The following FRK variants were observed in gnomAD, a reference collection of about 807,000 sequenced individuals.
The protein encoded by FRK is tyrosine-protein kinase FRK.
Under a neutral mutation model 56.4 loss-of-function variants are expected in FRK, and 51 were observed. That is an observed-to-expected ratio of 0.90 (90% CI 0.72 to 1.14). FRK has a LOEUF of 1.14. Among genes scored for constraint, FRK ranks in the 50% most tolerant of loss-of-function variants. The probability of loss-of-function intolerance (pLI) is 0.00; values close to 1 mark genes in which losing one functional copy is unlikely to be tolerated. For synonymous variants in FRK, 245 were observed against 217.9 expected (o/e 1.12, Z -1.10); for missense variants, 570 against 601.4 (o/e 0.95, Z 0.55).
intron 4 of FRK, among the ~76,000 whole-genome samples, chr6:115,962,034 C>A (rs1371305443): frequency 7.7e-6 from 1 of 130,110 alleles, no homozygotes; most frequent in Non-Finnish European, 1.6e-5. Flanking sequence ...GGATCAAATT[C>A]ACACATAACA....
chr6:115,991,648 T>C (rs1429416059), intron 2 of FRK, among the ~76,000 whole-genome samples: 1 of 151,864 alleles, frequency 6.6e-6, no homozygotes, highest in Non-Finnish European at 1.5e-5. Context: ...AATTATCTTT[T>C]TGGTATACTG....
At chr6:115,963,092 A>AAG in intron 4 of FRK, among the ~76,000 whole-genome samples, 1 of 40,416 alleles carries the variant, frequency 2.5e-5, no homozygotes, top group African/African-American at 6.8e-5. Flanking sequence ...CCTTCAAAAA[A>AAG]TCAATGAATC....
intron 2 of FRK, among the ~76,000 whole-genome samples, chr6:115,998,451 C>CA (rs1296194562): frequency 6.6e-6 from 1 of 152,148 alleles, no homozygotes; most frequent in Non-Finnish European, 1.5e-5. Context: ...CGCCTTCATC[C>CA]ACTCCCCACA....
chr6:116,011,299 T>C (rs908838319), intron 1 of FRK, among the ~76,000 whole-genome samples: 1 of 152,176 alleles, frequency 6.6e-6, no homozygotes, highest in African/African-American at 2.4e-5. Flanking sequence ...CAGATGAAGA[T>C]AATTGCCTCT....
intron 1 of FRK, among the ~76,000 whole-genome samples, chr6:116,047,364 C>T (rs746667853): frequency 1.3e-4 from 20 of 150,124 alleles, no homozygotes; most frequent in Non-Finnish European, 2.2e-4. Context: ...GCAGACTCTA[C>T]CCAGAGATGG....
At chr6:116,016,631 G>T (rs1775666216) in intron 1 of FRK, among the ~76,000 whole-genome samples, 1 of 152,102 alleles carries the variant, frequency 6.6e-6, no homozygotes, top group East Asian at 1.9e-4. Flanking sequence ...GCTTTGGGGG[G>T]ATTAAAATGA....
At position 116,039,399 on chromosome 6, in the gene FRK, C is replaced by T. The variant is rs73772207; in HGVS notation, c.344+20569G>A. ...GAGGCTCTGTGATGGGGGCAACCTG[C>T]AAGGAGCTGGCCAGCCAGCCTGAAG... On this transcript the variant is annotated intron_variant, in intron 1 of 7. Coordinates refer to ENST00000606080, the MANE Select transcript of FRK (RefSeq NM_002031.3). The T allele has an allele frequency of 7.6e-4, 1,186 of 1,570,672 alleles. 12 individuals carry two copies. In the African/African-American group the frequency reaches 0.015, roughly 20 times the overall value.
intron 1 of FRK, among the ~76,000 whole-genome samples, chr6:116,005,241 A>C (rs2114698837): frequency 6.6e-6 from 1 of 152,320 alleles, no homozygotes; most frequent in African/African-American, 2.4e-5. Flanking sequence ...ATGCCAGGTC[A>C]TCTTGGAGTA....
At chr6:116,026,850 G>T (rs1167530006) in intron 1 of FRK, among the ~76,000 whole-genome samples, 2 of 152,148 alleles carry the variant, frequency 1.3e-5, no homozygotes, top group African/African-American at 4.8e-5. Context: ...ATCATCAGCT[G>T]AATACCAAAA....
the FRK span, among the ~76,000 whole-genome samples, chr6:116,084,299 G>A: frequency 2.6e-5 from 4 of 152,132 alleles, no homozygotes; most frequent in Non-Finnish European, 5.9e-5. Context: ...CCCAAAACTC[G>A]GTGGTTTAAA....
In FRK at chr6:115,937,727, A is replaced by T. The variant is rs561965337; in HGVS notation, c.*4687T>A. ...AATCAACAAAGATCAAAAGAGACAAAGAAGGGCATTACATAATGGTAAACA... is the reference window on the plus strand; with the variant it reads ...AATCAACAAAGATCAAAAGAGACAATGAAGGGCATTACATAATGGTAAACA... On this transcript the variant is annotated 3_prime_UTR_variant, in exon 8 of 8. Coordinates refer to ENST00000606080, the MANE Select transcript of FRK (RefSeq NM_002031.3). 3.9e-5 allele frequency: 6 copies of T among 152,324 alleles called. No individual in the cohort carries two copies. Among genetic ancestry groups the T allele is most frequent in the Admixed American group, 3.9e-4 (6 of 15,296 alleles). The allele number at this position is 152,324 out of a possible 1,614,324, so 9.4% of individuals were successfully genotyped here.
rs1772094923 is a variant in FRK at position 115,938,759 on chromosome 6, A to C, written c.*3655T>G. The C allele has an allele frequency of 6.6e-6, 1 of 152,192 alleles. No homozygotes were observed. The allele number at this position is 152,192 out of a possible 1,614,324, so 9.4% of individuals were successfully genotyped here. A position where few individuals can be genotyped will look rare whatever the true frequency, so the allele number is the denominator to read the frequency against. ...AATTCCTGCAAACATACACCCTCCC[A>C]AGTCTAAACCAGGAAGAAGATGAAT... On this transcript the variant is annotated 3_prime_UTR_variant, in exon 8 of 8. Transcript: ENST00000606080.
chr6:116,076,501 C>A, the FRK span, among the ~76,000 whole-genome samples: 977 of 152,026 alleles, frequency 6.4e-3, 6 homozygotes, highest in Non-Finnish European at 9.6e-3. Context: ...TTATTTTTTT[C>A]ATCCATTTCA....
chr6:115,992,437 T>G (rs534766712), intron 2 of FRK, among the ~76,000 whole-genome samples: 1 of 151,820 alleles, frequency 6.6e-6, no homozygotes, highest in African/African-American at 2.4e-5. Flanking sequence ...GAAAGTGCTA[T>G]GATAAATGAG....
At chr6:116,028,380 C>T (rs549975086) in intron 1 of FRK, among the ~76,000 whole-genome samples, 1 of 152,144 alleles carries the variant, frequency 6.6e-6, no homozygotes, top group East Asian at 1.9e-4. Context: ...TGGACTCCAT[C>T]AAAAGAAAAC....
At chr6:115,977,540 A>T (rs748252984) in intron 2 of FRK, among the ~76,000 whole-genome samples, 3 of 152,200 alleles carry the variant, frequency 2.0e-5, no homozygotes, top group Non-Finnish European at 4.4e-5. Flanking sequence ...TGTCTATATT[A>T]GTTGACTCAA....
At chr6:115,994,335 C>G (rs1300858032) in intron 2 of FRK, among the ~76,000 whole-genome samples, 4 of 99,558 alleles carry the variant, frequency 4.0e-5, no homozygotes, top group South Asian at 3.8e-4. Flanking sequence ...CCCCCCCCCC[C>G]GCCTTTTTTT....
rs371056103 is a variant in FRK at position 115,944,958 on chromosome 6, C to T, written c.959-533G>A. ...CATAGCTCCCACTTATAAGTGAGAA[C>T]ATGTGGTATTTGCTTTTCTGTTCCT... On this transcript the variant is annotated intron_variant, in intron 5 of 7. Coordinates refer to ENST00000606080, the MANE Select transcript of FRK (RefSeq NM_002031.3). Among the ~76,000 whole-genome samples the T allele has an allele frequency of 8.3e-4, 126 of 152,206 alleles. 1 individual carries two copies. Among genetic ancestry groups the T allele is most frequent in the African/African-American group, 2.9e-3 (120 of 41,542 alleles).
rs771735410 is a variant in FRK at position 116,059,999 on chromosome 6, C to T, written c.313G>A (p.Val105Met). ...QLQGYIPSNY[V>M]AEDRSLQAEP... ...GCCTGTAGGCTTCTGTCCTCAGCCA[C>T]GTAGTTAGAAGGAATATAGCCTTGT... Residue 105 changes from valine to methionine, a missense_variant, in exon 1 of 8, where the codon GTG (valine) becomes ATG (methionine). Val to Met is a conservative substitution (Grantham distance 21). Transcript: ENST00000606080. 5.0e-6 allele frequency: 8 copies of T among 1,614,132 alleles called. No homozygotes were observed. Among genetic ancestry groups the T allele is most frequent in the Non-Finnish European group, 6.8e-6 (8 of 1,179,988 alleles).
Sources: allele counts gnomAD v4.1 joint callset (sites outside exome capture counted in the v4.1 genomes callset), GRCh38; gene constraint gnomAD v4.1.1; transcripts MANE v1.5; gene names NCBI Gene and HGNC (gene_info 2026-07-23, HGNC 2026-07-21).